ACTR3C: variants seen among roughly 807,000 people sequenced by gnomAD.
The protein encoded by ACTR3C is actin-related protein 3C.
Under a neutral mutation model 26.3 loss-of-function variants are expected in ACTR3C, and 18 were observed. The observed-to-expected ratio is 0.68, with a 90% confidence interval of 0.47 to 1.01. The LOEUF (loss-of-function observed/expected upper bound fraction) is 1.01. Ranked by LOEUF, ACTR3C falls within the 50% of genes least tolerant of loss-of-function variation. The pLI is 0.00. For synonymous variants in ACTR3C, 55 were observed against 94.5 expected, an observed-to-expected ratio of 0.58 and a Z score of 2.42; for missense variants, 184 against 250.7, an observed-to-expected ratio of 0.73 and a Z score of 1.80.
chr7:150,049,213 C>T, the ACTR3C span, among the ~76,000 whole-genome samples: 1 of 152,062 alleles, frequency 6.6e-6, no homozygotes, highest in Non-Finnish European at 1.5e-5. Context: ...CTCTTCCCCT[C>T]CCGGCCCTCC....
the ACTR3C span, among the ~76,000 whole-genome samples, chr7:150,198,993 C>T: frequency 7.7e-6 from 1 of 129,336 alleles, no homozygotes; most frequent in Non-Finnish European, 1.6e-5. Flanking sequence ...GGGGGTCAGC[C>T]CCCCTGCCCG....
chr7:150,130,177 C>T, the ACTR3C span, among the ~76,000 whole-genome samples: 2 of 152,126 alleles, frequency 1.3e-5, no homozygotes, highest in African/African-American at 4.8e-5. Flanking sequence ...TTAACATGAA[C>T]TGCATTACAG....
intron 6 of ACTR3C, among the ~76,000 whole-genome samples, chr7:150,272,163 C>T (rs1490288639): frequency 6.9e-6 from 1 of 145,686 alleles, no homozygotes; most frequent in Middle Eastern, 3.2e-3. Flanking sequence ...TACCAACACA[C>T]AATCCAATTT....
At chr7:149,937,020 GC>G in the ACTR3C span, among the ~76,000 whole-genome samples, 1 of 152,132 alleles carries the variant, frequency 6.6e-6, no homozygotes, top group African/African-American at 2.4e-5. Context: ...GAACTCCTGG[GC>G]TGAAGAAATC....
the ACTR3C span, among the ~76,000 whole-genome samples, chr7:150,065,306 C>G: frequency 2.0e-5 from 3 of 152,158 alleles, no homozygotes; most frequent in Non-Finnish European, 4.4e-5. Flanking sequence ...AATTTACCAT[C>G]GAAAACCAAA....
chr7:150,292,274 C>T (rs1836333020), intron 3 of ACTR3C, among the ~76,000 whole-genome samples: 1 of 152,016 alleles, frequency 6.6e-6, no homozygotes, highest in Admixed American at 6.5e-5. Flanking sequence ...AGGAGAAAGA[C>T]CAGGATGAGT....
chr7:150,216,972 G>A, the ACTR3C span, among the ~76,000 whole-genome samples: 12,944 of 133,674 alleles, frequency 0.097, 729 homozygotes, highest in East Asian at 0.23. Flanking sequence ...GCAACAGAGC[G>A]AGACTCGGTC....
chr7:150,275,511 G>A (rs555027187), intron 6 of ACTR3C, among the ~76,000 whole-genome samples: 85 of 152,326 alleles, frequency 5.6e-4, no homozygotes, highest in African/African-American at 2.0e-3. Context: ...AGGAGTTCGA[G>A]ACCAGCCTGG....
At chr7:150,259,169 T>C (rs1483141016) in intron 6 of ACTR3C, among the ~76,000 whole-genome samples, 5 of 151,722 alleles carry the variant, frequency 3.3e-5, no homozygotes, top group Admixed American at 3.3e-4. Flanking sequence ...CTTTTCAGAA[T>C]ATCTTCACAA....
chr7:149,973,441 A>AT, the ACTR3C span, among the ~76,000 whole-genome samples: 1 of 152,230 alleles, frequency 6.6e-6, no homozygotes, highest in Non-Finnish European at 1.5e-5. Context: ...CTTCATGTAA[A>AT]TGTGGATCAA....
At chr7:149,897,683 T>C in the ACTR3C span, among the ~76,000 whole-genome samples, 1 of 152,174 alleles carries the variant, frequency 6.6e-6, no homozygotes, top group Non-Finnish European at 1.5e-5. Flanking sequence ...CTGGCCAACA[T>C]GGTGAAACCC....
chr7:150,109,260 A>G, the ACTR3C span, among the ~76,000 whole-genome samples: 1 of 152,016 alleles, frequency 6.6e-6, no homozygotes, highest in Non-Finnish European at 1.5e-5. Context: ...CTACAAAGGA[A>G]TTTGTATAGC....
At chr7:149,892,344 A>C in the ACTR3C span, 3 of 1,606,954 alleles carry the variant, frequency 1.9e-6, no homozygotes, top group Non-Finnish European at 1.7e-6. Context: ...AACTCCCCTC[A>C]ACACTCTCCT....
chr7:149,993,665 T>G, the ACTR3C span, among the ~76,000 whole-genome samples: 2 of 151,944 alleles, frequency 1.3e-5, no homozygotes, highest in Non-Finnish European at 2.9e-5. Context: ...AACCTTCCCC[T>G]TTGCAATCCC....
the ACTR3C span, among the ~76,000 whole-genome samples, chr7:149,904,132 G>T: frequency 6.8e-6 from 1 of 146,518 alleles, no homozygotes. Context: ...TGTTGGTTGG[G>T]CTGGTCTCTA....
At chr7:149,931,113 G>A in the ACTR3C span, among the ~76,000 whole-genome samples, 60 of 152,354 alleles carry the variant, frequency 3.9e-4, no homozygotes, top group African/African-American at 1.4e-3. Flanking sequence ...TGATCCACCT[G>A]CCTCAGACTC....
chr7:150,320,804 T>C (rs1421694768), intron 1 of ACTR3C, among the ~76,000 whole-genome samples: 2 of 152,212 alleles, frequency 1.3e-5, no homozygotes, highest in African/African-American at 4.8e-5. Flanking sequence ...TCCATTAACT[T>C]GTTTCCTCAA....
chr7:150,223,557 G>T, the ACTR3C span, among the ~76,000 whole-genome samples: 2 of 151,754 alleles, frequency 1.3e-5, no homozygotes, highest in Non-Finnish European at 2.9e-5. Flanking sequence ...AACTCCTTAG[G>T]TATCTATTAT....
chr7:150,036,952 AC>A, the ACTR3C span, among the ~76,000 whole-genome samples: 160 of 59,834 alleles, frequency 2.7e-3, 1 homozygote, highest in Middle Eastern at 8.6e-3. Context: ...CAGTGGGGGA[AC>A]CAGGGGCTGG....
Sources: allele counts gnomAD v4.1 joint callset (sites outside exome capture counted in the v4.1 genomes callset), GRCh38; gene constraint gnomAD v4.1.1; transcripts MANE v1.5; gene names NCBI Gene and HGNC (gene_info 2026-07-23, HGNC 2026-07-21).